AKT1S1: variants seen among roughly 807,000 people sequenced by gnomAD.
The protein encoded by AKT1S1 is AKT1 substrate 1.
A neutral mutation model predicts 21.2 loss-of-function variants in AKT1S1; 17 were observed. That is an observed-to-expected ratio of 0.80 (90% confidence interval 0.55 to 1.20). The LOEUF is 1.20. Ranked by LOEUF, AKT1S1 falls within the 50% of genes most tolerant of loss-of-function variation. The pLI, the probability that AKT1S1 is intolerant of heterozygous loss-of-function variation, is 0.00. For synonymous variants in AKT1S1, 181 were observed against 165.6 expected, an observed-to-expected ratio of 1.09 and a Z score of -0.72; for missense variants, 366 against 368.3, an observed-to-expected ratio of 0.99 and a Z score of 0.05.
chr19:49,875,318 CTGG>C (rs1292768139), intron 1 of AKT1S1: 6 of 149,620 alleles, frequency 4.0e-5, no homozygotes, highest in African/African-American at 1.5e-4. Context: ...GCTTAGGACA[CTGG>C]CAAAAAAGCA....
At chr19:49,877,838 C>A, upstream of AKT1S1, 1 of 1,433,576 alleles carries the variant, frequency 7.0e-7, no homozygotes, top group Non-Finnish European at 9.5e-7. Flanking sequence ...CTCGAGAATC[C>A]GGCACGGCCT....
upstream of AKT1S1, chr19:49,878,009 C>T (rs2074972831): frequency 9.9e-6 from 8 of 809,864 alleles, no homozygotes; most frequent in South Asian, 1.1e-4. Context: ...CCATTCTCCC[C>T]GCCTTGGTCC....
chr19:49,877,940 G>T (rs1014820253), upstream of AKT1S1: 2 of 746,898 alleles, frequency 2.7e-6, no homozygotes, highest in African/African-American at 3.6e-5. Flanking sequence ...CCCGGCTCAG[G>T]CGACTCCTTG....
Position 49,869,773 on chromosome 19 carries a change from T to C in AKT1S1, c.*144A>G, listed in dbSNP as rs185793552. On this transcript the variant is annotated 3_prime_UTR_variant, in exon 5 of 5. Transcript: ENST00000344175. The stretch of plus-strand genomic sequence containing the variant: ...TCGTGGGCTGGAAGGACGGCGGGGA[T>C]TGGCAGAGGCGGGACAATCTTGGGA... 14 of 983,602 alleles carry C rather than the reference T, an allele frequency of 1.4e-5. No homozygotes were observed. In the Admixed American group the frequency reaches 3.2e-4, roughly 22 times the overall value. 60.9% of individuals were successfully genotyped at this position (983,602 alleles called of 1,614,324 possible).
In AKT1S1 at chr19:49,873,969, G is replaced by A. The variant is rs1005935017; in HGVS notation, c.-7-667C>T. 6.6e-6 allele frequency: 1 copy of A among 152,272 alleles called. No individual in the cohort carries two copies. Among genetic ancestry groups the A allele is most frequent in the African/African-American group, 2.4e-5 (1 of 41,430 alleles). 9.4% of individuals were successfully genotyped at this position (152,272 alleles called of 1,614,324 possible). A position where few individuals can be genotyped will look rare whatever the true frequency, so the allele number is the denominator to read the frequency against. ...AGAGTGTCCTGCACAAGGCCCAGGGGGTTCCTTCAGCACCCGGAGCTGATG... is the reference window on the plus strand; with the variant it reads ...AGAGTGTCCTGCACAAGGCCCAGGGAGTTCCTTCAGCACCCGGAGCTGATG... On this transcript the variant is annotated intron_variant, in intron 1 of 4. Transcript: ENST00000344175. This position sits in a 1 kb window ranked among gnomAD's most constrained non-coding sequence, Gnocchi z 6.9.
At chr19:49,871,458 A>C in intron 4 of AKT1S1, 89 bp downstream of exon 4, 1 of 1,545,860 alleles carries the variant, frequency 6.5e-7, no homozygotes, top group Non-Finnish European at 8.9e-7. Context: ...TATGGGTGGA[A>C]AGCAGCATCC....
chr19:49,873,476 G>T lies in AKT1S1; in HGVS notation c.-7-174C>A. 1 of 1,220,802 alleles carries T rather than the reference G, an allele frequency of 8.2e-7. No individual in the cohort carries two copies. The highest frequency in any genetic ancestry group is 1.1e-6 in the Non-Finnish European group (1 of 940,472). 75.6% of individuals were successfully genotyped at this position (1,220,802 alleles called of 1,614,324 possible). On this transcript the variant is annotated intron_variant, in intron 1 of 4. Transcript: ENST00000344175. This position sits in a 1 kb window ranked among gnomAD's most constrained non-coding sequence, Gnocchi z 6.9. Reference sequence around the variant, plus strand: ...TACTCCCCAGGATTCTCACCATCCAGTCCTCGCAGGCCCAGACCCTGGCGA... The same window carrying T: ...TACTCCCCAGGATTCTCACCATCCATTCCTCGCAGGCCCAGACCCTGGCGA...
intron 1 of AKT1S1, chr19:49,876,509 C>T: frequency 2.1e-6 from 3 of 1,427,100 alleles, no homozygotes; most frequent in South Asian, 2.9e-5. Context: ...CAGGCCATAC[C>T]CCTCCCGTGA....
intron 1 of AKT1S1, among the ~76,000 whole-genome samples, chr19:49,875,533 G>A (rs559494437): frequency 6.6e-6 from 1 of 152,228 alleles, no homozygotes; most frequent in Non-Finnish European, 1.5e-5. Context: ...AGGAAACTGA[G>A]GCTCTAAGCA....
chr19:49,878,339 C>T (rs1478362948), upstream of AKT1S1: 27 of 1,275,072 alleles, frequency 2.1e-5, no homozygotes, highest in Non-Finnish European at 3.0e-5. Context: ...TGGCGGTCAG[C>T]AGTGGGACCT....
rs772350340 is a variant in AKT1S1, at chr19:49,869,688, GGAGA to G, written c.*225_*228del. 2 of 445,440 alleles carry G rather than the reference GGAGA, an allele frequency of 4.5e-6. No homozygotes were observed. The highest frequency in any genetic ancestry group is 3.9e-6 in the Non-Finnish European group (1 of 254,316). The allele number at this position is 445,440 out of a possible 1,614,324, so 27.6% of individuals were successfully genotyped here. A position where few individuals can be genotyped will look rare whatever the true frequency, so the allele number is the denominator to read the frequency against. ...TAATAGAAGGAATCTGTCGCTAGGC[GGAGA>G]GAGACGACAGACCCAATCGGGAAAC... On this transcript the variant is annotated 3_prime_UTR_variant, in exon 5 of 5. Transcript: ENST00000344175.
intron 1 of AKT1S1, chr19:49,876,977 C>G (rs1438207078): frequency 1.8e-5 from 6 of 335,690 alleles, no homozygotes; most frequent in Non-Finnish European, 3.3e-5. Context: ...TGGCAGCCAA[C>G]CGGGCTTAAT....
intron 1 of AKT1S1, chr19:49,876,719 T>G (rs574222760): frequency 7.1e-7 from 1 of 1,402,430 alleles, no homozygotes. Context: ...CCGCCTCCCT[T>G]ATCGGGGCCG....
chr19:49,876,663 C>A (rs1416350380), intron 1 of AKT1S1: 1 of 1,492,646 alleles, frequency 6.7e-7, no homozygotes, highest in Non-Finnish European at 9.0e-7. Flanking sequence ...CATGGCGGCG[C>A]CTTGCGTCAC....
At position 49,873,053 on chromosome 19, in the gene AKT1S1, TG is replaced by T; in HGVS notation, c.242del (p.Pro81HisfsTer50). The T allele has an allele frequency of 6.4e-7, 1 of 1,557,984 alleles. No individual in the cohort carries two copies. On this transcript the variant is annotated frameshift_variant, in exon 2 of 5. Coordinates refer to ENST00000344175, the MANE Select transcript of AKT1S1 (RefSeq NM_001098633.4). LOFTEE classifies it high-confidence loss of function. The surrounding 1 kb of genome is among the most constrained non-coding windows in gnomAD (Gnocchi z 6.9). ...TGGGACTGGGTGGCTGTGGTGCTGG[TG>T]GGGGCGCAGGAGGCCGAGCAGCAGT... ...AATAARPPAP[P>X]PAPQPPSPTP... is the part of the protein sequence containing the mutation.
intron 4 of AKT1S1, 146 bp downstream of exon 4, chr19:49,871,401 T>G (rs780718359): frequency 9.2e-7 from 1 of 1,092,318 alleles, no homozygotes; most frequent in Non-Finnish European, 1.4e-6. Context: ...GCAAGGCTCG[T>G]GTCCAAGAAC....
intron 4 of AKT1S1, among the ~76,000 whole-genome samples, chr19:49,870,776 G>C (rs894349784): frequency 1.2e-4 from 18 of 152,216 alleles, no homozygotes; most frequent in African/African-American, 3.4e-4. Context: ...TCAATTAACT[G>C]TGTTGCCATG....
chr19:49,873,803 CAA>C lies in AKT1S1; in HGVS notation c.-7-503_-7-502del, dbSNP rs34494922. The C allele has an allele frequency of 1.2e-3, 129 of 105,750 alleles. No homozygotes were observed. Among genetic ancestry groups the C allele is most frequent in the Admixed American group, 1.1e-3 (12 of 10,614 alleles). The allele number at this position is 105,750 out of a possible 1,614,324, so 6.6% of individuals were successfully genotyped here. On this transcript the variant is annotated intron_variant, in intron 1 of 4. Transcript: ENST00000344175. The surrounding 1 kb of genome is among the most constrained non-coding windows in gnomAD (Gnocchi z 6.9). Reference sequence around the variant, plus strand: ...CCCAAGAGTTCGAAGCCAGCCTGGGCAAAAAAAAAAAAAAAAAGGAATTTCAT... The same window carrying C: ...CCCAAGAGTTCGAAGCCAGCCTGGGCAAAAAAAAAAAAAAAGGAATTTCAT...
At chr19:49,875,654 C>CG (rs1286117635) in intron 1 of AKT1S1, among the ~76,000 whole-genome samples, 1 of 152,114 alleles carries the variant, frequency 6.6e-6, no homozygotes, top group South Asian at 2.1e-4. Flanking sequence ...GAGGAGGTCC[C>CG]GGAAGAGAAC....
Sources: allele counts gnomAD v4.1 joint callset (sites outside exome capture counted in the v4.1 genomes callset), GRCh38; gene constraint gnomAD v4.1.1; non-coding constraint Gnocchi (gnomAD v3.1); transcripts MANE v1.5; gene names NCBI Gene and HGNC (gene_info 2026-07-23, HGNC 2026-07-21).